POM121: variants seen among roughly 807,000 people sequenced by gnomAD.
POM121 encodes nuclear envelope pore membrane protein POM 121.
POM121 carries 32 observed loss-of-function variants against 81.3 expected under a neutral mutation model. That is an observed-to-expected ratio of 0.39 (90% CI 0.30 to 0.53). The LOEUF (loss-of-function observed/expected upper bound fraction) is 0.53, where lower values mean the gene tolerates loss of function less well. Among genes scored for constraint, POM121 ranks in the 20% least tolerant of loss-of-function variants. The pLI is 0.66. For synonymous variants in POM121, 514 were observed against 694.2 expected, an observed-to-expected ratio of 0.74 and a Z score of 4.08; for missense variants, 1,138 against 1,614.6, an observed-to-expected ratio of 0.70 and a Z score of 5.06.
chr7:72,900,085 A>G (rs2129575503), intron 3 of POM121, among the ~76,000 whole-genome samples: 1 of 152,328 alleles, frequency 6.6e-6, no homozygotes, highest in African/African-American at 2.4e-5. Flanking sequence ...TGTGCCCTGT[A>G]GAATTATTTT....
At chr7:72,922,533 C>T (rs1458926480), upstream of POM121, among the ~76,000 whole-genome samples, 1 of 151,420 alleles carries the variant, frequency 6.6e-6, no homozygotes, top group Non-Finnish European at 1.5e-5. Context: ...ACTACAGGCA[C>T]GTGGCACCAG....
chr7:72,939,523 T>C, intron 7 of POM121, 114 bp downstream of exon 7: 2 of 1,430,020 alleles, frequency 1.4e-6, no homozygotes. Context: ...GTCTAAGGCA[T>C]GTTAGATACA....
At chr7:72,930,583 G>T (rs192181625) in intron 5 of POM121, among the ~76,000 whole-genome samples, 1 of 152,322 alleles carries the variant, frequency 6.6e-6, no homozygotes. Context: ...TATCTTATAG[G>T]CGTTTAGAAT....
At chr7:72,950,640 G>A, downstream of POM121, 1 of 130,976 alleles carries the variant, frequency 7.6e-6, no homozygotes, top group Non-Finnish European at 1.4e-5. Context: ...GAGGCGCTTA[G>A]GTTAAAACTA....
At chr7:72,934,944 G>C (rs1265870850) in intron 5 of POM121, among the ~76,000 whole-genome samples, 1 of 151,656 alleles carries the variant, frequency 6.6e-6, no homozygotes, top group Non-Finnish European at 1.5e-5. Context: ...AGTCTTGATA[G>C]AGTCAGTCAT....
In POM121 at chr7:72,925,338, C is replaced by T. The variant is rs1352649883; in HGVS notation, c.217C>T (p.Pro73Ser). The T allele has an allele frequency of 1.4e-5, 21 of 1,534,336 alleles. No homozygotes were observed. Among genetic ancestry groups the T allele is most frequent in the Non-Finnish European group, 1.8e-5 (21 of 1,146,654 alleles). ...GGCCTGGTGGGGACTGAGCCGCGAG[C>T]CCCGAGGTTCGCGCCCCTTGTCCTC... ...TAAWWGLSRE[P>S]RGSRPLSSFV... Residue 73 changes from proline (P) to serine (S), a missense_variant, in exon 1 of 13, where the codon CCC becomes TCC. Around this residue, in one of 7 missense-constraint regions of POM121, gnomAD observed 646 missense variants for 633.5 expected, o/e 1.02. Transcript: ENST00000434423.
chr7:72,928,715 A>G lies in POM121; in HGVS notation c.1103+250A>G, dbSNP rs565992977. 2.3e-4 allele frequency among the ~76,000 whole-genome samples: 34 copies of G among 150,032 alleles called. No homozygotes were observed. In the South Asian group the frequency reaches 7.2e-3, roughly 32 times the overall value. On this transcript the variant is annotated intron_variant, in intron 4 of 12. Coordinates refer to ENST00000434423, the MANE Select transcript of POM121 (RefSeq NM_001387691.1). ...AGAGGTTTTATAAATATATTTAATA[A>G]CCAAGCACATACACAGAAGGATTGC...
At chr7:72,922,630 G>A (rs535224312), upstream of POM121, among the ~76,000 whole-genome samples, 16 of 151,770 alleles carry the variant, frequency 1.1e-4, no homozygotes, top group East Asian at 1.9e-4. Flanking sequence ...AGCTCAAAGC[G>A]ATCCGCCCAC....
In POM121 at chr7:72,894,845, A is replaced by G. The variant is rs553453707; in HGVS notation, c.-216+3735A>G. Among the ~76,000 whole-genome samples the G allele has an allele frequency of 3.3e-5, 5 of 152,092 alleles. No homozygotes were observed. In the East Asian group the frequency reaches 9.7e-4, roughly 29 times the overall value. ...CTGGCTAATTTTAAAAGTTTTAGGT[A>G]AAAATGGGGTGTCCCTATGTTGCCC... On this transcript the variant is annotated intron_variant, in intron 3 of 15. Coordinates refer to the POM121 transcript ENST00000395270.
At chr7:72,939,264 G>A (rs1796826733) in intron 6 of POM121, 72 bp from the exon 7 acceptor site, 2 of 1,567,156 alleles carry the variant, frequency 1.3e-6, no homozygotes, top group South Asian at 2.3e-5. Context: ...GTAGTTAGGA[G>A]GGTGTGAGAA....
At chr7:72,940,782 A>T (rs548843595) in intron 9 of POM121, 35 bp from the exon 10 acceptor site, 1 of 908,512 alleles carries the variant, frequency 1.1e-6, no homozygotes, top group Non-Finnish European at 1.7e-6. Flanking sequence ...AGTCCCAGAC[A>T]AGCCAGGACT....
downstream of POM121, chr7:72,949,060 G>A (rs782411796): frequency 6.2e-7 from 1 of 1,613,470 alleles, no homozygotes; most frequent in East Asian, 2.2e-5. Context: ...CACCGGGCTA[G>A]GTGTCCCTGC....
At chr7:72,917,020 T>C (rs782463079) in intron 4 of POM121, among the ~76,000 whole-genome samples, 1 of 152,232 alleles carries the variant, frequency 6.6e-6, no homozygotes, top group Non-Finnish European at 1.5e-5. Context: ...CATTGAAACA[T>C]GGACATTTGA....
rs1554497048 is a variant in POM121, at chr7:72,925,490, G to A, written c.369G>A (p.Arg123=). 1 of 1,533,366 alleles carries A rather than the reference G, an allele frequency of 6.5e-7. No individual in the cohort carries two copies. Among genetic ancestry groups the A allele is most frequent in the Non-Finnish European group, 8.7e-7 (1 of 1,146,400 alleles). The allele number at this position is 1,533,366 out of a possible 1,614,324, so 95.0% of individuals were successfully genotyped here. ...STANGNLLEP[R]TLLEGPDPAE... is the part of the protein sequence containing the mutation. ...CCAACGGAAACCTCCTAGAGCCGCGGACCCTGCTCGAAGGACCTGACCCTG... is the reference window on the plus strand; with the variant it reads ...CCAACGGAAACCTCCTAGAGCCGCGAACCCTGCTCGAAGGACCTGACCCTG... The change falls in exon 1 of 13, where the codon CGG becomes CGA. Residue 123 remains arginine (R), a synonymous_variant. Transcript: ENST00000434423.
At chr7:72,906,530 G>T (rs182337424) in intron 3 of POM121, among the ~76,000 whole-genome samples, 24 of 152,344 alleles carry the variant, frequency 1.6e-4, no homozygotes, top group Admixed American at 1.5e-3. Context: ...CAAAAGAGCT[G>T]ATTCCAATCA....
chr7:72,941,735 G>A (rs1797088916), intron 10 of POM121, 102 bp from the exon 11 acceptor site: 1 of 1,381,810 alleles, frequency 7.2e-7, no homozygotes, highest in Non-Finnish European at 9.9e-7. Context: ...CTGACTCTTG[G>A]ATCCCAGGCT....
rs1797621908 is a variant in POM121 at position 72,945,720 on chromosome 7, G to A, written c.3652+12G>A. On this transcript the variant is annotated intron_variant, in intron 12 of 12. Transcript: ENST00000434423. Reference sequence around the variant, plus strand: ...TGTTGCACCTTTCGGTAAGCAGCAAGCCACCCTGTGGCCCTGCTCATCTGT... The same window carrying A: ...TGTTGCACCTTTCGGTAAGCAGCAAACCACCCTGTGGCCCTGCTCATCTGT... 2.5e-6 allele frequency: 4 copies of A among 1,606,114 alleles called. No homozygotes were observed. Among genetic ancestry groups the A allele is most frequent in the Non-Finnish European group, 2.6e-6 (3 of 1,176,232 alleles).
chr7:72,929,051 G>A lies in POM121; in HGVS notation c.1103+586G>A, dbSNP rs1405336602. ...TGGTCAGATCAGTGTACTGCACTGC[G>A]AGGGAGGATGTACACAAACGGAAAT... On this transcript the variant is annotated intron_variant, in intron 4 of 12. Transcript: ENST00000434423. 5.9e-5 allele frequency among the ~76,000 whole-genome samples: 9 copies of A among 152,324 alleles called. No individual in the cohort carries two copies. The South Asian group carries it at 1.7e-3, about 28-fold the overall frequency.
At chr7:72,941,018 C>T (rs782416696) in intron 10 of POM121, 25 bp downstream of exon 10, 5 of 1,609,102 alleles carry the variant, frequency 3.1e-6, no homozygotes, top group Admixed American at 1.7e-5. Flanking sequence ...GGCCGTGGAT[C>T]CAGCCTTCTG....
Sources: gnomAD v4.1 joint callset for allele counts (sites outside exome capture counted in the v4.1 genomes callset) on GRCh38, gnomAD v4.1.1 for gene constraint, gnomAD v4.1.1 regional missense constraint, MANE v1.5 for transcripts, NCBI Gene and HGNC (gene_info 2026-07-23, HGNC 2026-07-21) for gene names.